Variants in TRHDE observed in about 807,000 individuals in gnomAD.
TRHDE encodes thyrotropin-releasing hormone-degrading ectoenzyme.
Under a neutral mutation model 125.7 loss-of-function variants are expected in TRHDE, and 72 were observed. That is an observed-to-expected ratio of 0.57 (90% CI 0.47 to 0.70). The LOEUF (loss-of-function observed/expected upper bound fraction) is 0.70. Ranked by LOEUF, TRHDE falls within the 30% of genes least tolerant of loss-of-function variation. TRHDE has a pLI of 0.00. For missense variants in TRHDE, 1,110 were observed against 1,327.1 expected (o/e 0.84, Z 2.54); for synonymous variants, 509 against 509.1 (o/e 1.00, Z 0.00).
At chr12:72,524,733 A>G (rs1868303644) in intron 6 of TRHDE, among the ~76,000 whole-genome samples, 1 of 152,134 alleles carries the variant, frequency 6.6e-6, no homozygotes, top group Non-Finnish European at 1.5e-5. Flanking sequence ...GCTTAATGAG[A>G]AAGTATACTA....
upstream of TRHDE, among the ~76,000 whole-genome samples, chr12:72,271,127 A>G (rs147418811): frequency 2.6e-5 from 4 of 152,320 alleles, no homozygotes; most frequent in Non-Finnish European, 5.9e-5. Context: ...CGTTTCTCCA[A>G]TCTAAAGATG....
intron 2 of TRHDE, among the ~76,000 whole-genome samples, chr12:72,295,610 A>T (rs1366542823): frequency 6.6e-6 from 1 of 152,190 alleles, no homozygotes; most frequent in Non-Finnish European, 1.5e-5. Flanking sequence ...CATCCAGGAA[A>T]GTACAAGACA....
chr12:72,575,641 A>T (rs1039504718), intron 12 of TRHDE, 99 bp downstream of exon 12: 1 of 1,136,114 alleles, frequency 8.8e-7, no homozygotes, highest in Non-Finnish European at 1.3e-6. Context: ...TAGGACATTT[A>T]AAAAAATCTA....
chr12:72,141,601 T>G (rs1485888515), intron 2 of TRHDE, among the ~76,000 whole-genome samples: 2 of 152,236 alleles, frequency 1.3e-5, no homozygotes, highest in African/African-American at 2.4e-5. Flanking sequence ...CTTCATTCAC[T>G]CGTATCTGTT....
chr12:72,496,480 C>A (rs1877924150), intron 5 of TRHDE, among the ~76,000 whole-genome samples: 1 of 152,120 alleles, frequency 6.6e-6, no homozygotes, highest in African/African-American at 2.4e-5. Flanking sequence ...CGTCAGATCT[C>A]ATGAGACTTA....
intron 2 of TRHDE, chr12:72,256,153 CTTTTATCAGTTGCT>C (rs1447914792): frequency 6.6e-6 from 1 of 152,200 alleles, no homozygotes; most frequent in Non-Finnish European, 1.5e-5. Context: ...TGAAAGTCAA[CTTTTATCAGTTGCT>C]TTCCATCACT....
chr12:72,216,200 A>G (rs1368488734), intron 2 of TRHDE, among the ~76,000 whole-genome samples: 1 of 152,152 alleles, frequency 6.6e-6, no homozygotes, highest in Admixed American at 6.5e-5. Context: ...CCAAGGAAAG[A>G]CTGGGTAGAT....
At chr12:72,491,135 C>T (rs1396757241) in intron 5 of TRHDE, among the ~76,000 whole-genome samples, 1 of 151,476 alleles carries the variant, frequency 6.6e-6, no homozygotes, top group Non-Finnish European at 1.5e-5. Flanking sequence ...AAAAAGAATA[C>T]AATCAATTCA....
intron 2 of TRHDE, among the ~76,000 whole-genome samples, chr12:72,139,525 C>T (rs1318227240): frequency 6.6e-6 from 1 of 151,986 alleles, no homozygotes; most frequent in African/African-American, 2.4e-5. Flanking sequence ...CATGTGTAGC[C>T]ATTATGAATA....
intron 18 of TRHDE, among the ~76,000 whole-genome samples, chr12:72,661,476 A>G (rs1315983673): frequency 1.3e-5 from 2 of 152,230 alleles, no homozygotes; most frequent in African/African-American, 2.4e-5. Flanking sequence ...TAATGCCATT[A>G]TAATATCATA....
At chr12:72,179,548 T>TC in intron 2 of TRHDE, among the ~76,000 whole-genome samples, 1 of 152,218 alleles carries the variant, frequency 6.6e-6, no homozygotes, top group Non-Finnish European at 1.5e-5. Flanking sequence ...TACTTCCCCA[T>TC]TTTTACATAT....
Position 72,273,082 on chromosome 12 carries a change from G to A in TRHDE, c.439G>A (p.Ala147Thr). ...TGGATCGGCCCGGCGCAACCACCACGCAGGCGGGGACTCCTGGCAGCCCGA... is the reference window on the plus strand; with the variant it reads ...TGGATCGGCCCGGCGCAACCACCACACAGGCGGGGACTCCTGGCAGCCCGA... ...LPGSARRNHH[A>T]GGDSWQPEAG... Residue 147 changes from alanine to threonine, a missense_variant, in exon 1 of 19, where the codon GCA (alanine) becomes ACA (threonine). Physicochemically the swap from Ala to Thr is moderately conservative, Grantham distance 58. Coordinates refer to ENST00000261180, the MANE Select transcript of TRHDE (RefSeq NM_013381.3). This position sits in a 1 kb window ranked among gnomAD's most constrained non-coding sequence, Gnocchi z 5.3. 2 of 1,524,898 alleles carry A rather than the reference G, an allele frequency of 1.3e-6. No homozygotes were observed. Among genetic ancestry groups the A allele is most frequent in the Non-Finnish European group, 1.8e-6 (2 of 1,138,528 alleles). The allele number at this position is 1,524,898 out of a possible 1,614,324, so 94.5% of individuals were successfully genotyped here.
At chr12:72,446,470 C>T (rs1193260181) in intron 3 of TRHDE, among the ~76,000 whole-genome samples, 1 of 152,000 alleles carries the variant, frequency 6.6e-6, no homozygotes, top group African/African-American at 2.4e-5. Context: ...AAATAACCAG[C>T]CAACATCATA....
intron 2 of TRHDE, among the ~76,000 whole-genome samples, chr12:72,326,100 C>A (rs1285279756): frequency 5.9e-5 from 9 of 152,034 alleles, no homozygotes; most frequent in Non-Finnish European, 1.3e-4. Context: ...CCAACTGTTC[C>A]ATGTTCATGA....
intron 3 of TRHDE, among the ~76,000 whole-genome samples, chr12:72,405,575 C>A (rs1873231934): frequency 6.6e-6 from 1 of 152,118 alleles, no homozygotes; most frequent in South Asian, 2.1e-4. Context: ...ATTTTCTATC[C>A]AAAGTCTTCT....
chr12:72,559,750 CT>C (rs1870089159), intron 7 of TRHDE, among the ~76,000 whole-genome samples: 1 of 152,066 alleles, frequency 6.6e-6, no homozygotes, highest in Admixed American at 6.6e-5. Flanking sequence ...TCTCTAAGGA[CT>C]TTCATATTCA....
At chr12:72,551,724 A>G (rs2135998174) in intron 7 of TRHDE, among the ~76,000 whole-genome samples, 1 of 152,248 alleles carries the variant, frequency 6.6e-6, no homozygotes, top group Non-Finnish European at 1.5e-5. Flanking sequence ...ATCATGTAAC[A>G]GGATAAAGGG....
At chr12:72,302,986 T>C (rs974052334) in intron 2 of TRHDE, among the ~76,000 whole-genome samples, 1 of 152,156 alleles carries the variant, frequency 6.6e-6, no homozygotes, top group South Asian at 2.1e-4. Context: ...TTGCCAAATA[T>C]GCTCTGGCAA....
chr12:72,310,749 G>A (rs1180586312), intron 2 of TRHDE, among the ~76,000 whole-genome samples: 1 of 152,024 alleles, frequency 6.6e-6, no homozygotes, highest in Non-Finnish European at 1.5e-5. Context: ...CTTCCCTCGT[G>A]GATCTATTTC....
Sources: gnomAD v4.1 joint callset for allele counts (sites outside exome capture counted in the v4.1 genomes callset) on GRCh38, gnomAD v4.1.1 for gene constraint, Gnocchi (gnomAD v3.1) non-coding constraint, MANE v1.5 for transcripts, NCBI Gene and HGNC (gene_info 2026-07-23, HGNC 2026-07-21) for gene names.